BPTF: variants seen among roughly 807,000 people sequenced by gnomAD.
BPTF encodes nucleosome-remodeling factor subunit BPTF.
In BPTF, 18 loss-of-function variants were observed where a neutral mutation model predicts 292.5. That is an observed-to-expected ratio of 0.06 (90% CI 0.04 to 0.09). The LOEUF is 0.09. Among genes scored for constraint, BPTF ranks in the 10% least tolerant of loss-of-function variants. The pLI is 1.00. For missense variants in BPTF, 2,726 were observed against 3,498.7 expected, an observed-to-expected ratio of 0.78 and a Z score of 5.57; for synonymous variants, 1,225 against 1,251.9, an observed-to-expected ratio of 0.98 and a Z score of 0.45.
At chr17:67,828,263 A>G (rs534547988) in intron 1 of BPTF, among the ~76,000 whole-genome samples, 10 of 152,154 alleles carry the variant, frequency 6.6e-5, no homozygotes, top group Middle Eastern at 3.4e-3. Flanking sequence ...TTTTTACCTT[A>G]AGAAATCACA....
intron 19 of BPTF, 50 bp from the exon 20 acceptor site, chr17:67,944,100 A>C (rs782676721): frequency 3.7e-6 from 5 of 1,344,694 alleles, no homozygotes; most frequent in Non-Finnish European, 5.3e-6. Flanking sequence ...AATGATATAC[A>C]TACAGATTGA....
At chr17:67,907,164 G>T in intron 9 of BPTF, among the ~76,000 whole-genome samples, 1 of 139,628 alleles carries the variant, frequency 7.2e-6, no homozygotes, top group African/African-American at 2.6e-5. Flanking sequence ...CAGCCTGGGT[G>T]ACAGAGCAAG....
At chr17:67,902,896 C>T (rs1037061607) in intron 7 of BPTF, among the ~76,000 whole-genome samples, 1 of 152,222 alleles carries the variant, frequency 6.6e-6, no homozygotes, top group African/African-American at 2.4e-5. Flanking sequence ...GCCACTAGCG[C>T]TCTTAGAGAC....
intron 1 of BPTF, among the ~76,000 whole-genome samples, chr17:67,837,220 C>T (rs1165514379): frequency 6.6e-6 from 1 of 152,044 alleles, no homozygotes; most frequent in Non-Finnish European, 1.5e-5. Context: ...GCTCTTTTTG[C>T]GTTTACAGAC....
intron 23 of BPTF, among the ~76,000 whole-genome samples, chr17:67,952,958 T>G (rs1299720734): frequency 6.6e-6 from 1 of 152,176 alleles, no homozygotes; most frequent in African/African-American, 2.4e-5. Flanking sequence ...TTTTGTCAAA[T>G]TGTTCTTTAC....
At chr17:67,892,744 C>A (rs1311152350) in intron 5 of BPTF, among the ~76,000 whole-genome samples, 2 of 152,146 alleles carry the variant, frequency 1.3e-5, no homozygotes, top group Admixed American at 1.3e-4. Flanking sequence ...TACACATATT[C>A]AAAAGCTTTC....
chr17:67,952,605 C>T (rs2066483750), intron 23 of BPTF, among the ~76,000 whole-genome samples: 1 of 152,168 alleles, frequency 6.6e-6, no homozygotes, highest in Non-Finnish European at 1.5e-5. Context: ...GCAGAACGTA[C>T]AGTTCCCATA....
At chr17:67,964,500 T>G (rs1282896771) in intron 25 of BPTF, 96 bp downstream of exon 25, 2 of 1,377,188 alleles carry the variant, frequency 1.5e-6, no homozygotes, top group South Asian at 2.9e-5. Context: ...TTAGAATGAT[T>G]ATTTACTGAC....
At chr17:67,887,594 T>A (rs1359448909) in intron 4 of BPTF, among the ~76,000 whole-genome samples, 1 of 152,216 alleles carries the variant, frequency 6.6e-6, no homozygotes, top group African/African-American at 2.4e-5. Flanking sequence ...TCATTTGATA[T>A]GAGTTGGAAA....
chr17:67,964,590 C>T (rs2067828273), intron 25 of BPTF, among the ~76,000 whole-genome samples, 186 bp downstream of exon 25: 1 of 152,188 alleles, frequency 6.6e-6, no homozygotes, highest in Non-Finnish European at 1.5e-5. Context: ...TATCCCCACA[C>T]CACGTCAGCT....
chr17:67,930,190 A>G (rs934518861), intron 17 of BPTF, among the ~76,000 whole-genome samples: 1 of 151,888 alleles, frequency 6.6e-6, no homozygotes, highest in African/African-American at 2.4e-5. Flanking sequence ...ATATGTGCAC[A>G]TATTAGATAC....
chr17:67,959,852 T>C lies in BPTF; in HGVS notation c.8238T>C (p.Cys2746=). ...AGGACACAAAGCTTTACTGTATCTGTAAAACGCCTTATGATGAATCTAAGT... is the reference window on the plus strand; with the variant it reads ...AGGACACAAAGCTTTACTGTATCTGCAAAACGCCTTATGATGAATCTAAGT... The part of the protein sequence containing the change: ...TKKDTKLYCI[C]KTPYDESKFY... The change falls in exon 24 of 28, where the codon TGT becomes TGC. Residue 2746 remains cysteine, a synonymous_variant. Coordinates refer to ENST00000306378, the MANE Select transcript of BPTF (RefSeq NM_182641.4). The C allele has an allele frequency of 6.2e-7, 1 of 1,602,060 alleles. No individual in the cohort carries two copies. The highest frequency in any genetic ancestry group is 8.5e-7 in the Non-Finnish European group (1 of 1,175,206).
chr17:67,850,540 TG>T (rs921995827), intron 1 of BPTF, among the ~76,000 whole-genome samples: 2 of 152,146 alleles, frequency 1.3e-5, no homozygotes, highest in Non-Finnish European at 2.9e-5. Context: ...AGCTAATTTT[TG>T]TATTTTTCTT....
intron 14 of BPTF, among the ~76,000 whole-genome samples, chr17:67,924,307 G>T (rs1390835079): frequency 6.6e-6 from 1 of 152,006 alleles, no homozygotes; most frequent in Admixed American, 6.6e-5. Flanking sequence ...TAGAGACAGG[G>T]TTTCACCATG....
rs781911791 is a variant in BPTF at position 67,945,837 on chromosome 17, A to G, written c.7129A>G (p.Ile2377Val). 6 of 1,614,122 alleles carry G rather than the reference A, an allele frequency of 3.7e-6. No individual in the cohort carries two copies. The South Asian group carries it at 6.6e-5, about 18-fold the overall frequency. ...VQTTTSQPIP[I>V]QPHTSLQIPS... ...GACTACAACCTCACAACCGATTCCA[A>G]TTCAACCACATACATCTCTTCAGAT... Residue 2377 changes from isoleucine (I) to valine (V), a missense_variant, in exon 21 of 28, where the codon ATT (isoleucine) becomes GTT (valine). By Grantham distance (29) the Ile-to-Val change is conservative. Around this residue, in one of 22 missense-constraint regions of BPTF, gnomAD observed 570 missense variants for 633.5 expected, o/e 0.90. Coordinates refer to ENST00000306378, the MANE Select transcript of BPTF (RefSeq NM_182641.4).
At chr17:67,863,543 C>G (rs1415907226) in intron 2 of BPTF, among the ~76,000 whole-genome samples, 3 of 152,224 alleles carry the variant, frequency 2.0e-5, no homozygotes, top group Admixed American at 2.0e-4. Context: ...CTTGGCCTCT[C>G]AAAGTTCTAG....
At chr17:67,975,558 C>G in intron 26 of BPTF, 1 of 471,170 alleles carries the variant, frequency 2.1e-6, no homozygotes, top group Non-Finnish European at 3.7e-6. Flanking sequence ...ACCTTAACAG[C>G]AACCCGGATT....
chr17:67,888,177 A>G (rs2060865140), intron 4 of BPTF, among the ~76,000 whole-genome samples: 1 of 152,196 alleles, frequency 6.6e-6, no homozygotes, highest in African/African-American at 2.4e-5. Flanking sequence ...GTTCTGCCTA[A>G]TATAATGCAA....
At chr17:67,886,334 C>T in intron 4 of BPTF, 2 of 1,518,140 alleles carry the variant, frequency 1.3e-6, no homozygotes, top group Non-Finnish European at 1.8e-6. Flanking sequence ...TATACTTCAT[C>T]CATTCCTTTA....
Sources: allele counts gnomAD v4.1 joint callset (sites outside exome capture counted in the v4.1 genomes callset), GRCh38; gene constraint gnomAD v4.1.1; regional missense constraint gnomAD v4.1.1; transcripts MANE v1.5; gene names NCBI Gene and HGNC (gene_info 2026-07-23, HGNC 2026-07-21).